Variants in UMAD1 observed in about 807,000 individuals in gnomAD.
UMAD1 encodes the protein UBAP1-MVB12-associated (UMA) domain containing 1, also known as UBAP1-MVB12-associated (UMA)-domain containing protein 1.
In UMAD1, 8 loss-of-function variants were observed where a neutral mutation model predicts 6.1. The ratio of observed to expected loss-of-function variants is 1.30; its 90% CI spans 0.76 to 2.35. The LOEUF (loss-of-function observed/expected upper bound fraction) is 2.35, where lower values mean the gene tolerates loss of function less well. Ranked by LOEUF, UMAD1 falls within the 30% of genes most tolerant of loss-of-function variation. The pLI is 0.00. For missense variants in UMAD1, 130 were observed against 78.4 expected (o/e 1.66, Z -2.49); for synonymous variants, 56 against 31.4 (o/e 1.78, Z -2.61).
intron 3 of UMAD1, among the ~76,000 whole-genome samples, chr7:7,818,481 G>C (rs2115292966): frequency 6.6e-6 from 1 of 152,284 alleles, no homozygotes; most frequent in South Asian, 2.1e-4. Flanking sequence ...TCTCACATCA[G>C]TCAGAATGGC....
intron 3 of UMAD1, among the ~76,000 whole-genome samples, chr7:7,865,228 G>A (rs71533381): frequency 1.8e-3 from 277 of 152,332 alleles, no homozygotes; most frequent in Middle Eastern, 3.4e-3. Flanking sequence ...CTGAATTTGT[G>A]ATTGGCATCT....
chr7:7,827,141 A>ATGTGTG lies in UMAD1; in HGVS notation c.156+25399_156+25400insGTGTGT, dbSNP rs1439982206. On this transcript the variant is annotated intron_variant, in intron 3 of 3. Transcript: ENST00000682710. ...GTCCAGGATATATATATATATATAT[A>ATGTGTG]TATATATGTGTGTGTGTGTGTGTGT... Among the ~76,000 whole-genome samples the ATGTGTG allele has an allele frequency of 7.2e-3, 976 of 134,934 alleles. 17 individuals are homozygous for ATGTGTG. Among genetic ancestry groups the ATGTGTG allele is most frequent in the African/African-American group, 0.025 (857 of 34,530 alleles). 88.5% of individuals were successfully genotyped at this position (134,934 alleles called of 152,430 possible).
At chr7:7,667,602 T>C (rs1408956062) in intron 1 of UMAD1, among the ~76,000 whole-genome samples, 1 of 152,192 alleles carries the variant, frequency 6.6e-6, no homozygotes, top group Non-Finnish European at 1.5e-5. Flanking sequence ...ATGTTTATAT[T>C]ATAAAAGTAT....
chr7:7,783,990 T>A (rs1467126374), intron 2 of UMAD1, among the ~76,000 whole-genome samples: 2 of 152,098 alleles, frequency 1.3e-5, no homozygotes, highest in Admixed American at 1.3e-4. Context: ...GATAAATGGA[T>A]CCAGTTTGCC....
At chr7:7,655,875 C>G (rs143875410) in intron 1 of UMAD1, among the ~76,000 whole-genome samples, 1 of 152,102 alleles carries the variant, frequency 6.6e-6, no homozygotes, top group Admixed American at 6.5e-5. Flanking sequence ...CGCTCTTGTT[C>G]CCCAGGCTGG....
At chr7:7,833,817 G>A (rs1783510537) in intron 3 of UMAD1, among the ~76,000 whole-genome samples, 1 of 152,000 alleles carries the variant, frequency 6.6e-6, no homozygotes, top group Admixed American at 6.6e-5. Context: ...TACTTTTTCA[G>A]GTTTTATTTG....
rs75869518 is a variant in UMAD1 at position 7,828,615 on chromosome 7, C to T, written c.156+26872C>T. Among the ~76,000 whole-genome samples, 728 of 152,314 alleles carry T rather than the reference C, an allele frequency of 4.8e-3. 5 individuals are homozygous for T. The highest frequency in any genetic ancestry group is 0.016 in the African/African-American group (652 of 41,572). ...GCTAGTTTGTGCAGGGGCTAAGGGG[C>T]TGCCTGTAAAGGCTTTGATCCAGAA... is the stretch of plus-strand genomic sequence containing the variant. On this transcript the variant is annotated intron_variant, in intron 3 of 3. Transcript: ENST00000682710.
At chr7:7,668,986 GGGAAGAAACT>G (rs1779538262) in intron 1 of UMAD1, among the ~76,000 whole-genome samples, 1 of 152,078 alleles carries the variant, frequency 6.6e-6, no homozygotes, top group African/African-American at 2.4e-5. Flanking sequence ...TTTGGGATGT[GGGAAGAAACT>G]GGAGTACTGG....
At chr7:7,776,958 T>A (rs573529026) in intron 2 of UMAD1, among the ~76,000 whole-genome samples, 1 of 152,248 alleles carries the variant, frequency 6.6e-6, no homozygotes, top group African/African-American at 2.4e-5. Context: ...TCAGAGTTTA[T>A]GTCTACACGA....
intron 1 of UMAD1, among the ~76,000 whole-genome samples, chr7:7,672,136 T>A (rs1433353760): frequency 2.6e-5 from 4 of 152,188 alleles, no homozygotes; most frequent in African/African-American, 9.6e-5. Context: ...GGTTTTCTGC[T>A]ATGGGTGAAA....
At chr7:7,650,040 T>G (rs1165627155) in intron 1 of UMAD1, among the ~76,000 whole-genome samples, 2 of 152,212 alleles carry the variant, frequency 1.3e-5, no homozygotes, top group Admixed American at 1.3e-4. Context: ...TCATGGTATT[T>G]TGTTATAGCA....
chr7:7,875,857 G>A (rs1478386792), intron 3 of UMAD1, among the ~76,000 whole-genome samples: 2 of 152,128 alleles, frequency 1.3e-5, no homozygotes, highest in African/African-American at 4.8e-5. Context: ...CAGGCAGATC[G>A]CTTGAGTCCA....
intron 3 of UMAD1, among the ~76,000 whole-genome samples, chr7:7,866,363 G>T (rs1784225341): frequency 3.3e-5 from 5 of 152,208 alleles, no homozygotes; most frequent in African/African-American, 1.2e-4. Flanking sequence ...GATGTGTGCT[G>T]TGAGGGAAGT....
intron 3 of UMAD1, among the ~76,000 whole-genome samples, chr7:7,834,591 A>T (rs1224101787): frequency 6.8e-6 from 1 of 147,992 alleles, no homozygotes; most frequent in African/African-American, 2.4e-5. Flanking sequence ...TGGCTTGCAG[A>T]TGGCCACCTT....
chr7:7,714,846 A>C (rs907139804), intron 2 of UMAD1, among the ~76,000 whole-genome samples: 9 of 151,034 alleles, frequency 6.0e-5, no homozygotes, highest in African/African-American at 2.2e-4. Context: ...GTTGTTCAAA[A>C]ATTTTTCTTT....
intron 2 of UMAD1, chr7:7,689,602 C>G (rs1780125151): frequency 6.6e-6 from 1 of 152,016 alleles, no homozygotes; most frequent in Admixed American, 6.6e-5. Flanking sequence ...TGGTAGAGCC[C>G]CTGTTTTTCA....
chr7:7,847,104 A>T (rs2098217), intron 3 of UMAD1, among the ~76,000 whole-genome samples: 179 of 6,400 alleles, frequency 0.028, 5 homozygotes, highest in African/African-American at 0.032. Context: ...AAAAAAAAAA[A>T]ATATATATAT....
At chr7:7,840,795 C>T (rs1041994222) in intron 3 of UMAD1, among the ~76,000 whole-genome samples, 2 of 152,158 alleles carry the variant, frequency 1.3e-5, no homozygotes, top group African/African-American at 4.8e-5. Context: ...AGATGATCAT[C>T]AAGGAAAGTT....
At chr7:7,833,586 G>A (rs1328815664) in intron 3 of UMAD1, among the ~76,000 whole-genome samples, 1 of 152,142 alleles carries the variant, frequency 6.6e-6, no homozygotes, top group East Asian at 1.9e-4. Flanking sequence ...AGGTTGTCAG[G>A]AAGCGGGCAG....
Sources: gnomAD v4.1 joint callset for allele counts (sites outside exome capture counted in the v4.1 genomes callset) on GRCh38, gnomAD v4.1.1 for gene constraint, MANE v1.5 for transcripts, NCBI Gene and HGNC (gene_info 2026-07-23, HGNC 2026-07-21) for gene names.